The following MED13L variants were observed in gnomAD, a reference collection of about 807,000 sequenced individuals.
MED13L encodes mediator of RNA polymerase II transcription subunit 13-like.
Under a neutral mutation model 220.9 loss-of-function variants are expected in MED13L, and 7 were observed. The observed-to-expected ratio is 0.03, with a 90% confidence interval of 0.02 to 0.06. The LOEUF (loss-of-function observed/expected upper bound fraction) is 0.06, where lower values mean the gene tolerates loss of function less well. Ranked by LOEUF, MED13L falls within the 10% of genes least tolerant of loss-of-function variation. The pLI is 1.00. For missense variants in MED13L, 1,965 were observed against 2,760.5 expected (o/e 0.71, Z 6.46); for synonymous variants, 1,011 against 1,015.2 (o/e 1.00, Z 0.08).
At chr12:116,052,778 G>C (rs1192696264) in intron 4 of MED13L, among the ~76,000 whole-genome samples, 1 of 152,224 alleles carries the variant, frequency 6.6e-6, no homozygotes, top group African/African-American at 2.4e-5. Context: ...GGAAGCAGGG[G>C]AACAGGGTGC....
intron 2 of MED13L, among the ~76,000 whole-genome samples, chr12:116,118,776 C>A (rs970446558): frequency 6.6e-6 from 1 of 152,096 alleles, no homozygotes; most frequent in Non-Finnish European, 1.5e-5. Flanking sequence ...ACTACTTGAC[C>A]GTGTTATGTG....
At chr12:116,021,837 C>G (rs777495122) in intron 5 of MED13L, among the ~76,000 whole-genome samples, 1 of 152,048 alleles carries the variant, frequency 6.6e-6, no homozygotes, top group Non-Finnish European at 1.5e-5. Context: ...ATTTGTAATG[C>G]TCAGATCAAA....
intron 4 of MED13L, among the ~76,000 whole-genome samples, chr12:116,061,007 T>C (rs1869428188): frequency 6.6e-6 from 1 of 152,178 alleles, no homozygotes; most frequent in South Asian, 2.1e-4. Flanking sequence ...CCTGCCTTCT[T>C]CTCCTCCCAT....
chr12:116,129,676 A>C (rs958785182), intron 2 of MED13L, among the ~76,000 whole-genome samples: 8 of 152,232 alleles, frequency 5.3e-5, no homozygotes, highest in Non-Finnish European at 1.2e-4. Flanking sequence ...TGGGAGGCCA[A>C]GGTGGGCGGA....
At chr12:115,996,418 A>C in intron 16 of MED13L, 58 bp downstream of exon 16, 2 of 1,552,138 alleles carry the variant, frequency 1.3e-6, no homozygotes, top group South Asian at 2.2e-5. Context: ...ACAAACATTT[A>C]GTTAAGATAA....
intron 2 of MED13L, among the ~76,000 whole-genome samples, chr12:116,118,448 A>G (rs981790320): frequency 6.6e-6 from 1 of 152,180 alleles, no homozygotes; most frequent in African/African-American, 2.4e-5. Context: ...AAAATTACAT[A>G]CTAAAGATTC....
intron 2 of MED13L, among the ~76,000 whole-genome samples, chr12:116,176,893 A>G (rs1486330939): frequency 6.6e-6 from 1 of 151,876 alleles, no homozygotes. Context: ...AAAAAAAAAA[A>G]AAAAGGTAAA....
At chr12:116,168,113 A>G (rs1286214344) in intron 2 of MED13L, among the ~76,000 whole-genome samples, 1 of 152,200 alleles carries the variant, frequency 6.6e-6, no homozygotes, top group Non-Finnish European at 1.5e-5. Flanking sequence ...GAACCAATCT[A>G]ATCTTGTGTA....
At chr12:115,992,238 G>A (rs905300936) in intron 16 of MED13L, among the ~76,000 whole-genome samples, 1 of 152,274 alleles carries the variant, frequency 6.6e-6, no homozygotes, top group East Asian at 1.9e-4. Context: ...ACCTCTTGAA[G>A]GAACTTTTAC....
intron 2 of MED13L, among the ~76,000 whole-genome samples, chr12:116,183,375 C>A (rs1252849556): frequency 6.6e-6 from 1 of 152,168 alleles, no homozygotes; most frequent in African/African-American, 2.4e-5. Context: ...TCATCAGCTA[C>A]ACTTGAAAAG....
Position 116,007,554 on chromosome 12 carries a change from A to G in MED13L, c.2095T>C (p.Leu699=). 1.2e-6 allele frequency: 2 copies of G among 1,610,590 alleles called. No homozygotes were observed. Among genetic ancestry groups the G allele is most frequent in the South Asian group, 1.1e-5 (1 of 90,936 alleles). ...TCTCCAGGTTGTTGTGATAGAGGCA[A>G]TGGGTCAAGGAAGTGGAGTGGCTGC... The part of the protein sequence containing the change: ...QLQPLHFLDP[L]PLSQQPGDSL... Residue 699 remains leucine (L), a synonymous_variant, in exon 11 of 31, where the codon TTG becomes CTG. Transcript: ENST00000281928.
chr12:116,212,412 C>T, intron 2 of MED13L, among the ~76,000 whole-genome samples: 1 of 152,168 alleles, frequency 6.6e-6, no homozygotes, highest in East Asian at 1.9e-4. Context: ...AACAGCCTCT[C>T]TCACATGAAA....
chr12:116,260,796 T>C (rs1222168639), intron 1 of MED13L, among the ~76,000 whole-genome samples: 1 of 152,132 alleles, frequency 6.6e-6, no homozygotes, highest in Non-Finnish European at 1.5e-5. Context: ...ACCAAAAATA[T>C]CACTGATTTG....
chr12:116,187,847 G>A (rs1880995339), intron 2 of MED13L, among the ~76,000 whole-genome samples: 1 of 151,284 alleles, frequency 6.6e-6, no homozygotes, highest in South Asian at 2.1e-4. Context: ...ACAGGGCCTG[G>A]AGGGTACTGC....
At chr12:116,250,299 T>C (rs986331943) in intron 1 of MED13L, among the ~76,000 whole-genome samples, 2 of 109,434 alleles carry the variant, frequency 1.8e-5, no homozygotes, top group African/African-American at 5.7e-5. Context: ...AAATACAGAC[T>C]TATTTTTAGA....
At chr12:116,154,151 A>G (rs975911587) in intron 2 of MED13L, among the ~76,000 whole-genome samples, 9 of 152,198 alleles carry the variant, frequency 5.9e-5, no homozygotes, top group African/African-American at 1.9e-4. Context: ...TCAATGAAGC[A>G]TTGTGACTCT....
chr12:116,191,716 C>T (rs1286058731), intron 2 of MED13L, among the ~76,000 whole-genome samples: 1 of 151,892 alleles, frequency 6.6e-6, no homozygotes, highest in Non-Finnish European at 1.5e-5. Flanking sequence ...CCCGGTGGCT[C>T]ACATCTATAA....
intron 4 of MED13L, among the ~76,000 whole-genome samples, chr12:116,078,613 T>C (rs532427402): frequency 2.6e-5 from 4 of 152,312 alleles, no homozygotes; most frequent in South Asian, 2.1e-4. Flanking sequence ...TAAAGCTTTA[T>C]TGGAACAACC....
At chr12:116,204,097 T>C (rs1882171851) in intron 2 of MED13L, among the ~76,000 whole-genome samples, 1 of 152,176 alleles carries the variant, frequency 6.6e-6, no homozygotes, top group Admixed American at 6.5e-5. Flanking sequence ...ACTGATCTGC[T>C]TCCAAAAGTC....
Sources: gnomAD v4.1 joint callset for allele counts (sites outside exome capture counted in the v4.1 genomes callset) on GRCh38, gnomAD v4.1.1 for gene constraint, MANE v1.5 for transcripts, NCBI Gene and HGNC (gene_info 2026-07-23, HGNC 2026-07-21) for gene names.